The following HELZ variants were observed in gnomAD, a reference collection of about 807,000 sequenced individuals.
The protein encoded by HELZ is helicase with zinc finger.
Under a neutral mutation model 218.2 loss-of-function variants are expected in HELZ, and 23 were observed. The ratio of observed to expected loss-of-function variants is 0.11; its 90% confidence interval spans 0.08 to 0.15. The LOEUF (loss-of-function observed/expected upper bound fraction) is 0.15. Ranked by LOEUF, HELZ falls within the 10% of genes least tolerant of loss-of-function variation. The pLI, the probability that HELZ is intolerant of heterozygous loss-of-function variation, is 1.00. For missense variants in HELZ, 1,813 were observed against 2,353.7 expected (o/e 0.77, Z 4.75); for synonymous variants, 814 against 829.4 (o/e 0.98, Z 0.32).
At chr17:67,153,605 G>A (rs2038755165) in intron 17 of HELZ, among the ~76,000 whole-genome samples, 1 of 152,102 alleles carries the variant, frequency 6.6e-6, no homozygotes, top group Non-Finnish European at 1.5e-5. Flanking sequence ...TAAGGATTTG[G>A]GGAAATCAAA....
In HELZ at chr17:67,113,554, A is replaced by G. The variant is rs1299943448; in HGVS notation, c.3918+770T>C. Among the ~76,000 whole-genome samples, 4 of 152,118 alleles carry G rather than the reference A, an allele frequency of 2.6e-5. No individual in the cohort carries two copies. The East Asian group carries it at 7.7e-4, about 29-fold the overall frequency. Reference sequence around the variant, plus strand: ...GGATTACAGGCGTGAGCAACCGCCAAGTAGAGATTAATCTTAACGGGAACT... The same window carrying G: ...GGATTACAGGCGTGAGCAACCGCCAGGTAGAGATTAATCTTAACGGGAACT... On this transcript the variant is annotated intron_variant, in intron 28 of 32. Transcript: ENST00000358691.
At chr17:67,156,260 G>GA (rs949476209) in intron 17 of HELZ, among the ~76,000 whole-genome samples, 6 of 151,714 alleles carry the variant, frequency 4.0e-5, no homozygotes, top group African/African-American at 1.2e-4. Flanking sequence ...GTCATTATGA[G>GA]AAAAAAAATT....
At chr17:67,174,544 A>T (rs2039400971) in intron 13 of HELZ, among the ~76,000 whole-genome samples, 1 of 152,178 alleles carries the variant, frequency 6.6e-6, no homozygotes, top group African/African-American at 2.4e-5. Flanking sequence ...CGCGCCTGTA[A>T]TCCCAGCACT....
At chr17:67,169,206 A>G (rs965074829) in intron 13 of HELZ, among the ~76,000 whole-genome samples, 6 of 152,354 alleles carry the variant, frequency 3.9e-5, no homozygotes, top group Middle Eastern at 6.8e-3. Flanking sequence ...ACATGGTAAG[A>G]AATGGTGGCA....
In HELZ at chr17:67,114,382, G is replaced by A. The variant is rs2143786404; in HGVS notation, c.3860C>T (p.Ser1287Phe). ...TCGAATCTTATTAATTTCAGGTCCG[G>A]AATTATTTGTATCACTTTTACCTAA... ...NRNGKSDTNN[S>F]GPEINKIRTP... is the part of the protein sequence containing the mutation. Residue 1287 changes from serine to phenylalanine, a missense_variant, in exon 28 of 33, where the codon TCC (serine) becomes TTC (phenylalanine). By Grantham distance (155) the Ser-to-Phe change is radical (BLOSUM62 -2). This residue lies in a region of HELZ where 938 missense variants were observed against 1,027.5 expected (regional missense o/e 0.91). Coordinates refer to ENST00000358691, the MANE Select transcript of HELZ (RefSeq NM_014877.4). The A allele has an allele frequency of 1.2e-6, 2 of 1,608,610 alleles. No individual in the cohort carries two copies.
Position 67,145,659 on chromosome 17 carries a change from A to G in HELZ, c.2769+84T>C, listed in dbSNP as rs1225237626. On this transcript the variant is annotated intron_variant, in intron 21 of 32. Coordinates refer to ENST00000358691, the MANE Select transcript of HELZ (RefSeq NM_014877.4). ...GAAGTCAATATGCAATACAATGTCAACCCAAAACTTTAAATAAATGCTTAA... is the reference window on the plus strand; with the variant it reads ...GAAGTCAATATGCAATACAATGTCAGCCCAAAACTTTAAATAAATGCTTAA... The G allele has an allele frequency of 2.7e-6, 3 of 1,106,912 alleles. No homozygotes were observed. In the Admixed American group the frequency reaches 6.3e-5, roughly 23 times the overall value. The allele number at this position is 1,106,912 out of a possible 1,614,324, so 68.6% of individuals were successfully genotyped here.
At chr17:67,115,966 CA>C (rs1264763606) in intron 27 of HELZ, among the ~76,000 whole-genome samples, 3 of 151,890 alleles carry the variant, frequency 2.0e-5, no homozygotes, top group African/African-American at 4.8e-5. Flanking sequence ...ACAAAAATAA[CA>C]ATTATGTTTT....
At chr17:67,212,092 C>T (rs1311351236) in intron 5 of HELZ, among the ~76,000 whole-genome samples, 4 of 151,606 alleles carry the variant, frequency 2.6e-5, no homozygotes, top group African/African-American at 7.3e-5. Context: ...AAGGCCAAGG[C>T]GGGCAGATCA....
chr17:67,142,193 T>C (rs574798133), intron 21 of HELZ, among the ~76,000 whole-genome samples: 1 of 151,640 alleles, frequency 6.6e-6, no homozygotes, highest in Non-Finnish European at 1.5e-5. Flanking sequence ...TCCAACCATA[T>C]CAGTAACATT....
chr17:67,122,908 A>T (rs1476558463), intron 26 of HELZ, 62 bp downstream of exon 26: 8 of 1,262,618 alleles, frequency 6.3e-6, no homozygotes, highest in Non-Finnish European at 8.9e-6. Context: ...TTGGGATTAG[A>T]ACCATTTTAG....
chr17:67,149,677 G>GA (rs1216238911), intron 19 of HELZ, among the ~76,000 whole-genome samples, 190 bp downstream of exon 19: 3 of 151,956 alleles, frequency 2.0e-5, no homozygotes, highest in Non-Finnish European at 1.5e-5. Flanking sequence ...ATCCAAAAAA[G>GA]AAAAAAGAGT....
At chr17:67,243,334 C>T (rs1447913774) in intron 2 of HELZ, among the ~76,000 whole-genome samples, 1 of 152,166 alleles carries the variant, frequency 6.6e-6, no homozygotes, top group Non-Finnish European at 1.5e-5. Flanking sequence ...CTGCCTAATT[C>T]TTTCTAACGG....
intron 25 of HELZ, 22 bp from the exon 26 acceptor site, chr17:67,123,182 G>A (rs767654721): frequency 6.5e-7 from 1 of 1,531,504 alleles, no homozygotes. Context: ...ACAGAAAAAG[G>A]ATGCACTCAA....
intron 13 of HELZ, among the ~76,000 whole-genome samples, chr17:67,170,102 A>T (rs1221609605): frequency 1.3e-5 from 2 of 152,154 alleles, no homozygotes; most frequent in Non-Finnish European, 2.9e-5. Context: ...TCCCCCAAGA[A>T]GCTCTCACAG....
chr17:67,188,595 C>T lies in HELZ; in HGVS notation c.886G>A (p.Val296Ile). 6.2e-7 allele frequency: 1 copy of T among 1,613,272 alleles called. No homozygotes were observed. Among genetic ancestry groups the T allele is most frequent in the Non-Finnish European group, 8.5e-7 (1 of 1,179,402 alleles). ...TCKPARMLYR[V>I]ALLYDAHRPH... ...CGATGAGCATCATAAAGCAATGCTA[C>T]ACGATACAGCATTCTTGCAGGCTAC... The change falls in exon 12 of 33, where the codon GTA becomes ATA. Residue 296 changes from valine to isoleucine, a missense_variant. Val to Ile is a conservative substitution (Grantham distance 29). Transcript: ENST00000358691. The surrounding 1 kb of genome is among the most constrained non-coding windows in gnomAD (Gnocchi z 4.1).
At chr17:67,169,899 G>A in intron 13 of HELZ, among the ~76,000 whole-genome samples, 1 of 152,136 alleles carries the variant, frequency 6.6e-6, no homozygotes, top group Non-Finnish European at 1.5e-5. Flanking sequence ...CATTCCCAAA[G>A]GGAAAACTAG....
chr17:67,205,598 A>G (rs1057397455), intron 5 of HELZ, among the ~76,000 whole-genome samples: 2 of 152,230 alleles, frequency 1.3e-5, no homozygotes, highest in African/African-American at 4.8e-5. Context: ...AGTAACTGGG[A>G]TATTAAGAAA....
intron 23 of HELZ, among the ~76,000 whole-genome samples, chr17:67,130,260 A>G (rs1426207969): frequency 2.6e-5 from 4 of 152,166 alleles, no homozygotes; most frequent in Admixed American, 1.3e-4. Flanking sequence ...GGGTACACTA[A>G]AAGTCCAGAC....
In HELZ at chr17:67,131,304, C is replaced by T. The variant is rs565114690; in HGVS notation, c.3183-2449G>A. 3.9e-5 allele frequency among the ~76,000 whole-genome samples: 6 copies of T among 152,256 alleles called. No homozygotes were observed. In the East Asian group the frequency reaches 9.6e-4, roughly 24 times the overall value. ...ACTTTTTAAAACTCCATACCCTGTTCCTATATCACCCTCACTGACCTTGAC... is the reference window on the plus strand; with the variant it reads ...ACTTTTTAAAACTCCATACCCTGTTTCTATATCACCCTCACTGACCTTGAC... On this transcript the variant is annotated intron_variant, in intron 23 of 32. Coordinates refer to ENST00000358691, the MANE Select transcript of HELZ (RefSeq NM_014877.4).
Sources: gnomAD v4.1 joint callset for allele counts (sites outside exome capture counted in the v4.1 genomes callset) on GRCh38, gnomAD v4.1.1 for gene constraint, gnomAD v4.1.1 regional missense constraint, Gnocchi (gnomAD v3.1) non-coding constraint, MANE v1.5 for transcripts, NCBI Gene and HGNC (gene_info 2026-07-23, HGNC 2026-07-21) for gene names.